The following ZBTB8OS variants were observed in gnomAD, a reference collection of about 807,000 sequenced individuals.
ZBTB8OS encodes tRNA splicing ligase complex subunit 1.
A neutral mutation model predicts 29.3 loss-of-function variants in ZBTB8OS; 16 were observed. That is an observed-to-expected ratio of 0.55 (90% CI 0.37 to 0.83). The LOEUF is 0.83. Among genes scored for constraint, ZBTB8OS ranks in the 40% least tolerant of loss-of-function variants. ZBTB8OS has a pLI of 0.00. For missense variants in ZBTB8OS, 160 were observed against 196.9 expected (o/e 0.81, Z 1.12); for synonymous variants, 70 against 64.6 (o/e 1.08, Z -0.40).
At chr1:32,635,273 A>ATT (rs1305120879) in intron 1 of ZBTB8OS, among the ~76,000 whole-genome samples, 1 of 142,620 alleles carries the variant, frequency 7.0e-6, no homozygotes, top group African/African-American at 2.8e-5. Context: ...CCATATCATG[A>ATT]CTCTTTTTTT....
At chr1:32,648,322 C>G (rs1647009703) in intron 1 of ZBTB8OS, among the ~76,000 whole-genome samples, 1 of 152,114 alleles carries the variant, frequency 6.6e-6, no homozygotes, top group African/African-American at 2.4e-5. Flanking sequence ...TTAAAATATC[C>G]TTTTAAAAAA....
chr1:32,626,126 GCCTC>G (rs1645115895), intron 6 of ZBTB8OS, among the ~76,000 whole-genome samples: 1 of 152,164 alleles, frequency 6.6e-6, no homozygotes, highest in Admixed American at 6.5e-5. Context: ...ACCCACCTCG[GCCTC>G]CCAAAATGCG....
chr1:32,625,824 A>G (rs887266545), intron 6 of ZBTB8OS, among the ~76,000 whole-genome samples: 10 of 152,162 alleles, frequency 6.6e-5, no homozygotes, highest in African/African-American at 2.2e-4. Flanking sequence ...ATTTTGGTCA[A>G]TGACTAACTG....
At chr1:32,629,749 CTTTTTTTTTTTTT>C (rs869185319) in intron 5 of ZBTB8OS, among the ~76,000 whole-genome samples, 1 of 114,136 alleles carries the variant, frequency 8.8e-6, no homozygotes, top group African/African-American at 3.2e-5. Flanking sequence ...ATGCTTGTTT[CTTTTTTTTTTTTT>C]TTTTTTTTTG....
chr1:32,650,017 G>C (rs1265975550), intron 1 of ZBTB8OS, among the ~76,000 whole-genome samples: 1 of 151,984 alleles, frequency 6.6e-6, no homozygotes, highest in East Asian at 1.9e-4. Context: ...CAGGTTTTTT[G>C]CTAATATGAT....
intron 6 of ZBTB8OS, among the ~76,000 whole-genome samples, chr1:32,625,444 G>T (rs1645054878): frequency 6.6e-6 from 1 of 152,088 alleles, no homozygotes; most frequent in Non-Finnish European, 1.5e-5. Flanking sequence ...TGAGGCAGGA[G>T]AATCGCTTGA....
At chr1:32,649,633 A>AACACACACACAC (rs962422171) in intron 1 of ZBTB8OS, among the ~76,000 whole-genome samples, 4 of 54,090 alleles carry the variant, frequency 7.4e-5, no homozygotes, top group African/African-American at 2.1e-4. Flanking sequence ...CATCTCTAAA[A>AACACACACACAC]ACACACACAC....
intron 6 of ZBTB8OS, among the ~76,000 whole-genome samples, chr1:32,623,308 G>T (rs1644873985): frequency 6.6e-6 from 1 of 152,312 alleles, no homozygotes; most frequent in East Asian, 1.9e-4. Flanking sequence ...CACCCTGAGT[G>T]TATGTCCACA....
chr1:32,649,242 A>G (rs1047666375), intron 1 of ZBTB8OS, among the ~76,000 whole-genome samples: 1 of 152,218 alleles, frequency 6.6e-6, no homozygotes, highest in African/African-American at 2.4e-5. Flanking sequence ...TGCTGGGATT[A>G]TAAGTGTGAG....
In ZBTB8OS at chr1:32,621,378, T is replaced by C. The variant is rs530453477; in HGVS notation, c.*484A>G. On this transcript the variant is annotated 3_prime_UTR_variant, in exon 7 of 7. Transcript: ENST00000468695. ...CACACCACTGCGCTTCAGCCTGGGC[T>C]ACAGAGCGAGACTCCGTCTCAAAAA... 7.5e-6 allele frequency: 1 copy of C among 132,704 alleles called. No individual in the cohort carries two copies. Among genetic ancestry groups the C allele is most frequent in the South Asian group, 2.3e-4 (1 of 4,368 alleles). The allele number at this position is 132,704 out of a possible 1,614,324, so 8.2% of individuals were successfully genotyped here.
chr1:32,624,464 C>T (rs1374398164), intron 6 of ZBTB8OS, among the ~76,000 whole-genome samples: 1 of 152,196 alleles, frequency 6.6e-6, no homozygotes, highest in Non-Finnish European at 1.5e-5. Context: ...TGCATAAATT[C>T]ATGGATGGAT....
intron 1 of ZBTB8OS, among the ~76,000 whole-genome samples, chr1:32,637,811 C>A (rs1646097416): frequency 6.6e-6 from 1 of 152,122 alleles, no homozygotes; most frequent in Non-Finnish European, 1.5e-5. Context: ...ACCATAAGGT[C>A]TGAGCACCTT....
At chr1:32,636,702 A>G (rs1264473303) in intron 1 of ZBTB8OS, among the ~76,000 whole-genome samples, 1 of 151,528 alleles carries the variant, frequency 6.6e-6, no homozygotes, top group Admixed American at 6.6e-5. Flanking sequence ...GGAAAAAAAA[A>G]AAAAAGGTGG....
At chr1:32,632,114 G>T (rs1329486353) in intron 4 of ZBTB8OS, 2 of 219,410 alleles carry the variant, frequency 9.1e-6, no homozygotes, top group African/African-American at 5.2e-5. Context: ...CAATTCTCCT[G>T]TCTCAACCTG....
intron 2 of ZBTB8OS, chr1:32,634,532 T>G (rs946167071): frequency 6.2e-5 from 35 of 565,422 alleles, no homozygotes; most frequent in Non-Finnish European, 1.0e-4. Context: ...GGCCTTATTT[T>G]TATTTTTTAT....
At chr1:32,650,625 C>G (rs996402933), upstream of ZBTB8OS, 23 of 1,603,516 alleles carry the variant, frequency 1.4e-5, no homozygotes, top group Non-Finnish European at 2.0e-5. Flanking sequence ...TTGGCGCACA[C>G]CCTTAAAGGA....
chr1:32,630,619 G>A (rs182773730), intron 5 of ZBTB8OS, among the ~76,000 whole-genome samples: 154 of 152,198 alleles, frequency 1.0e-3, no homozygotes, highest in African/African-American at 3.3e-3. Context: ...GTATGCACCT[G>A]TTGTCCCAGC....
intron 1 of ZBTB8OS, among the ~76,000 whole-genome samples, chr1:32,644,867 T>G (rs956822831): frequency 6.6e-6 from 1 of 151,848 alleles, no homozygotes; most frequent in African/African-American, 2.4e-5. Flanking sequence ...ACCACGCACT[T>G]AAAATTAAAA....
chr1:32,622,464 A>G (rs1208522639), intron 6 of ZBTB8OS, among the ~76,000 whole-genome samples: 2 of 152,228 alleles, frequency 1.3e-5, no homozygotes, highest in Non-Finnish European at 2.9e-5. Context: ...AAGTGAATTC[A>G]TGCAGGAGCA....
Sources: allele counts gnomAD v4.1 joint callset (sites outside exome capture counted in the v4.1 genomes callset), GRCh38; gene constraint gnomAD v4.1.1; transcripts MANE v1.5; gene names NCBI Gene and HGNC (gene_info 2026-07-23, HGNC 2026-07-21).